The following CCDC60 variants were observed in gnomAD, a reference collection of about 807,000 sequenced individuals.
The protein encoded by CCDC60 is coiled-coil domain containing 60.
Under a neutral mutation model 63.5 loss-of-function variants are expected in CCDC60, and 54 were observed. The ratio of observed to expected loss-of-function variants is 0.85; its 90% CI spans 0.68 to 1.07. The LOEUF (loss-of-function observed/expected upper bound fraction) is 1.07. Among genes scored for constraint, CCDC60 ranks in the 50% least tolerant of loss-of-function variants. The pLI is 0.00. For missense variants in CCDC60, 651 were observed against 684.3 expected (o/e 0.95, Z 0.54); for synonymous variants, 206 against 238.8 (o/e 0.86, Z 1.27).
chr12:119,357,280 T>G (rs1955727644), intron 1 of CCDC60, among the ~76,000 whole-genome samples: 1 of 152,242 alleles, frequency 6.6e-6, no homozygotes, highest in African/African-American at 2.4e-5. Context: ...TATTTTTAAA[T>G]GTACAATACA....
intron 2 of CCDC60, among the ~76,000 whole-genome samples, chr12:119,441,964 C>A (rs937971268): frequency 2.0e-5 from 3 of 152,074 alleles, no homozygotes; most frequent in African/African-American, 7.2e-5. Flanking sequence ...GAAGATACTG[C>A]CAGTTTTCCA....
intron 1 of CCDC60, among the ~76,000 whole-genome samples, chr12:119,411,924 C>G (rs1284657777): frequency 6.6e-6 from 1 of 151,996 alleles, no homozygotes; most frequent in Non-Finnish European, 1.5e-5. Context: ...CTGCACTTTC[C>G]TACATTGTAG....
intron 6 of CCDC60, 81 bp downstream of exon 6, chr12:119,500,249 T>C (rs977895549): frequency 1.1e-6 from 1 of 952,346 alleles, no homozygotes; most frequent in Non-Finnish European, 1.6e-6. Flanking sequence ...GTCTTTTCTC[T>C]GATGGGAATT....
intron 1 of CCDC60, among the ~76,000 whole-genome samples, chr12:119,363,387 T>G (rs1222020895): frequency 4.6e-5 from 7 of 151,728 alleles, no homozygotes; most frequent in African/African-American, 1.7e-4. Context: ...ATTATTGACT[T>G]GTAAGAGTTC....
At chr12:119,472,638 C>G (rs565336749) in intron 3 of CCDC60, among the ~76,000 whole-genome samples, 1 of 140,582 alleles carries the variant, frequency 7.1e-6, no homozygotes, top group South Asian at 2.2e-4. Context: ...TGGAGTGCAG[C>G]GGCGTGATCT....
At chr12:119,360,278 G>A (rs1955765562) in intron 1 of CCDC60, among the ~76,000 whole-genome samples, 1 of 149,046 alleles carries the variant, frequency 6.7e-6, no homozygotes, top group Non-Finnish European at 1.5e-5. Flanking sequence ...CGGGGCGGCT[G>A]GCCGGGCAGG....
chr12:119,460,144 C>T (rs1476001084), intron 2 of CCDC60, among the ~76,000 whole-genome samples: 1 of 152,130 alleles, frequency 6.6e-6, no homozygotes, highest in African/African-American at 2.4e-5. Flanking sequence ...GTCTGTCGGG[C>T]CAGCACCACG....
intron 1 of CCDC60, among the ~76,000 whole-genome samples, chr12:119,394,439 C>T (rs1956214236): frequency 6.6e-6 from 1 of 152,240 alleles, no homozygotes; most frequent in South Asian, 2.1e-4. Context: ...CGTCCACCCA[C>T]CATGTGGTAG....
At chr12:119,488,689 C>T in intron 4 of CCDC60, 70 bp from the exon 5 acceptor site, 1 of 1,313,048 alleles carries the variant, frequency 7.6e-7, no homozygotes. Flanking sequence ...ACTACTATTT[C>T]TGTGGCTATT....
chr12:119,536,834 G>C lies in CCDC60; in HGVS notation c.1552-3780G>C, dbSNP rs1365576765. On this transcript the variant is annotated intron_variant, in intron 13 of 13. Transcript: ENST00000327554. ...TGTGGGTAACCTGAACTTTCTGACT[G>C]CCCTTAACATTTTTTCCTTCATTTC... 2.0e-5 allele frequency among the ~76,000 whole-genome samples: 3 copies of C among 152,120 alleles called. No homozygotes were observed. In the East Asian group the frequency reaches 5.8e-4, roughly 29 times the overall value.
At chr12:119,504,441 T>C (rs2136427221) in intron 6 of CCDC60, among the ~76,000 whole-genome samples, 1 of 152,266 alleles carries the variant, frequency 6.6e-6, no homozygotes, top group South Asian at 2.1e-4. Context: ...TATCATCCAA[T>C]TCTCCTAGCC....
At chr12:119,462,967 G>A (rs1432630207) in intron 2 of CCDC60, among the ~76,000 whole-genome samples, 1 of 152,120 alleles carries the variant, frequency 6.6e-6, no homozygotes. Context: ...GGTACTACAG[G>A]CGCTTGCCAC....
At chr12:119,529,827 A>C (rs1397557962) in intron 12 of CCDC60, among the ~76,000 whole-genome samples, 1 of 152,212 alleles carries the variant, frequency 6.6e-6, no homozygotes, top group Non-Finnish European at 1.5e-5. Context: ...AAGGTATTAC[A>C]GAAGGAAATT....
At chr12:119,378,515 C>T (rs1259303603) in intron 1 of CCDC60, among the ~76,000 whole-genome samples, 2 of 152,176 alleles carry the variant, frequency 1.3e-5, no homozygotes, top group Non-Finnish European at 2.9e-5. Flanking sequence ...TTAATCTTTA[C>T]AGCAACATCA....
chr12:119,488,905 A>T, intron 5 of CCDC60, 39 bp downstream of exon 5: 1 of 1,508,376 alleles, frequency 6.6e-7, no homozygotes, highest in South Asian at 1.1e-5. Flanking sequence ...GACTAGCAGT[A>T]GGCTGGGCAG....
intron 5 of CCDC60, among the ~76,000 whole-genome samples, chr12:119,491,653 T>G (rs1373996227): frequency 1.3e-5 from 2 of 152,096 alleles, no homozygotes; most frequent in African/African-American, 4.8e-5. Flanking sequence ...TTATGCCCAG[T>G]TACAAGTGTT....
intron 1 of CCDC60, among the ~76,000 whole-genome samples, chr12:119,395,691 C>G (rs2136207628): frequency 6.6e-6 from 1 of 152,360 alleles, no homozygotes; most frequent in Admixed American, 6.5e-5. Context: ...GTTTTTAGGG[C>G]TGCCATAACC....
chr12:119,539,528 T>TC (rs1566071672), intron 13 of CCDC60, among the ~76,000 whole-genome samples: 1 of 151,986 alleles, frequency 6.6e-6, no homozygotes, highest in East Asian at 1.9e-4. Flanking sequence ...CGGACGTCCC[T>TC]CCCCCCACCA....
In CCDC60 at chr12:119,456,072, C is replaced by A. The variant is rs576228970; in HGVS notation, c.171-15922C>A. On this transcript the variant is annotated intron_variant, in intron 2 of 13. Coordinates refer to ENST00000327554, the MANE Select transcript of CCDC60 (RefSeq NM_178499.5). The surrounding 1 kb of genome is among the most constrained non-coding windows in gnomAD (Gnocchi z 4.6). ...GAAAGAAAGAAAGAAAGCAAGCAAG[C>A]ATGTGCAATTTCAAGGGGGTAGAGA... Among the ~76,000 whole-genome samples, 1,481 of 141,074 alleles carry A rather than the reference C, an allele frequency of 0.01. 60 individuals are homozygous for A. The highest frequency in any genetic ancestry group is 0.038 in the African/African-American group (1,381 of 36,098). The allele number at this position is 141,074 out of a possible 152,430, so 92.6% of individuals were successfully genotyped here. A position where few individuals can be genotyped will look rare whatever the true frequency, so the allele number is the denominator to read the frequency against.
Sources: gnomAD v4.1 joint callset for allele counts (sites outside exome capture counted in the v4.1 genomes callset) on GRCh38, gnomAD v4.1.1 for gene constraint, Gnocchi (gnomAD v3.1) non-coding constraint, MANE v1.5 for transcripts, NCBI Gene and HGNC (gene_info 2026-07-23, HGNC 2026-07-21) for gene names.